DPP10: variants seen among roughly 807,000 people sequenced by gnomAD.
DPP10 encodes dipeptidyl peptidase like 10, also known as inactive dipeptidyl peptidase 10.
DPP10 carries 33 observed loss-of-function variants against 120.9 expected under a neutral mutation model. The ratio of observed to expected loss-of-function variants is 0.27; its 90% CI spans 0.21 to 0.37. The LOEUF is 0.37. Among genes scored for constraint, DPP10 ranks in the 10% least tolerant of loss-of-function variants. DPP10 has a pLI of 1.00. For synonymous variants in DPP10, 337 were observed against 326.1 expected (o/e 1.03, Z -0.36); for missense variants, 816 against 942.8 (o/e 0.87, Z 1.76).
chr2:114,590,362 A>G (rs1225072154), intron 1 of DPP10, among the ~76,000 whole-genome samples: 1 of 152,220 alleles, frequency 6.6e-6, no homozygotes. Flanking sequence ...AGCAATTAAT[A>G]TGAATCAGAT....
At chr2:114,690,713 G>A (rs186112738) in intron 1 of DPP10, among the ~76,000 whole-genome samples, 2 of 152,132 alleles carry the variant, frequency 1.3e-5, no homozygotes, top group African/African-American at 4.8e-5. Flanking sequence ...TCCTATCTAC[G>A]AGCATGGAAT....
At chr2:115,352,622 T>G (rs1305223828) in intron 3 of DPP10, among the ~76,000 whole-genome samples, 1 of 152,162 alleles carries the variant, frequency 6.6e-6, no homozygotes, top group Non-Finnish European at 1.5e-5. Flanking sequence ...TACAAAGATA[T>G]AAAGGTGAAT....
intron 1 of DPP10, among the ~76,000 whole-genome samples, chr2:114,505,543 T>G (rs1464653512): frequency 6.6e-6 from 1 of 152,028 alleles, no homozygotes; most frequent in Non-Finnish European, 1.5e-5. Context: ...CTCAAGTATC[T>G]CCAACTCAAA....
intron 1 of DPP10, among the ~76,000 whole-genome samples, chr2:114,649,308 C>A (rs1323687252): frequency 1.3e-5 from 2 of 152,020 alleles, no homozygotes; most frequent in Admixed American, 1.3e-4. Flanking sequence ...TTCGCCACCC[C>A]AGATTCTCAC....
intron 3 of DPP10, among the ~76,000 whole-genome samples, chr2:115,433,672 A>T (rs979415356): frequency 6.6e-6 from 1 of 151,950 alleles, no homozygotes; most frequent in Non-Finnish European, 1.5e-5. Flanking sequence ...TGCTCTCTAC[A>T]CTAGAACTAC....
intron 1 of DPP10, among the ~76,000 whole-genome samples, chr2:114,734,444 A>C (rs1234346418): frequency 2.0e-5 from 3 of 152,192 alleles, no homozygotes; most frequent in Non-Finnish European, 4.4e-5. Flanking sequence ...AATATGTTTA[A>C]ATTTACCTAT....
rs79146315 is a variant in DPP10 at position 115,805,614 on chromosome 2, G to T, written c.1701-9179G>T. On this transcript the variant is annotated intron_variant, in intron 19 of 25. Coordinates refer to ENST00000410059, the MANE Select transcript of DPP10 (RefSeq NM_020868.6). ...TTTGAGACGCAGTCTCACTCCTGTC[G>T]CCCAGGCTGGAGTGCAGTGGTGCAA... Among the ~76,000 whole-genome samples the T allele has an allele frequency of 2.0e-5, 3 of 147,200 alleles. No homozygotes were observed. In the East Asian group the frequency reaches 6.0e-4, roughly 30 times the overall value.
intron 1 of DPP10, among the ~76,000 whole-genome samples, chr2:114,953,684 T>A (rs1226656952): frequency 1.3e-5 from 2 of 152,188 alleles, no homozygotes; most frequent in Non-Finnish European, 1.5e-5. Context: ...AGGACACATA[T>A]TTCTTGCTAT....
At chr2:114,554,996 A>G (rs921551227) in intron 1 of DPP10, among the ~76,000 whole-genome samples, 2 of 152,200 alleles carry the variant, frequency 1.3e-5, no homozygotes, top group Admixed American at 6.5e-5. Flanking sequence ...GAGCAAACAT[A>G]ATGGACCTGG....
chr2:115,161,961 C>G, intron 1 of DPP10: 2 of 1,433,128 alleles, frequency 1.4e-6, no homozygotes, highest in Non-Finnish European at 1.8e-6. Flanking sequence ...CCGGCGATGA[C>G]GGCCGCGAAG....
intron 9 of DPP10, among the ~76,000 whole-genome samples, chr2:115,745,100 T>C (rs1329398168): frequency 1.3e-5 from 2 of 150,506 alleles, no homozygotes; most frequent in African/African-American, 2.4e-5. Flanking sequence ...TTCTCATTCC[T>C]GCCCCTTACT....
intron 3 of DPP10, among the ~76,000 whole-genome samples, chr2:115,427,669 G>C (rs1389311604): frequency 6.6e-6 from 1 of 152,172 alleles, no homozygotes; most frequent in African/African-American, 2.4e-5. Context: ...GGGCTGCCTA[G>C]AAGATCTCTG....
intron 5 of DPP10, among the ~76,000 whole-genome samples, chr2:115,554,122 A>G (rs1044651465): frequency 2.0e-5 from 3 of 151,442 alleles, no homozygotes; most frequent in African/African-American, 4.9e-5. Flanking sequence ...TAAAGTGTCT[A>G]CTCCCAAAAC....
At chr2:114,608,081 A>G (rs951817229) in intron 1 of DPP10, among the ~76,000 whole-genome samples, 1 of 152,220 alleles carries the variant, frequency 6.6e-6, no homozygotes, top group African/African-American at 2.4e-5. Flanking sequence ...AGCCCTGGTC[A>G]TTACTCCGTA....
intron 19 of DPP10, among the ~76,000 whole-genome samples, chr2:115,810,162 GA>G (rs199538342): frequency 0.11 from 14,721 of 128,502 alleles, 730 homozygotes; most frequent in South Asian, 0.15. Flanking sequence ...ACTCCATCTC[GA>G]AAAAAAAAAA....
At chr2:114,961,600 G>T (rs1434593378) in intron 1 of DPP10, among the ~76,000 whole-genome samples, 1 of 152,160 alleles carries the variant, frequency 6.6e-6, no homozygotes, top group African/African-American at 2.4e-5. Flanking sequence ...GAGTGTTTGT[G>T]TGTGTATGTG....
At chr2:114,793,252 C>T (rs1683404338) in intron 1 of DPP10, among the ~76,000 whole-genome samples, 3 of 152,070 alleles carry the variant, frequency 2.0e-5, no homozygotes, top group Admixed American at 1.3e-4. Flanking sequence ...CACCCATCAA[C>T]CTGTCATCTA....
intron 1 of DPP10, among the ~76,000 whole-genome samples, chr2:114,654,849 G>A (rs1368770289): frequency 1.3e-5 from 2 of 152,130 alleles, no homozygotes; most frequent in African/African-American, 4.8e-5. Context: ...ATAAGTCCTT[G>A]AACAAGTACC....
intron 3 of DPP10, among the ~76,000 whole-genome samples, chr2:115,377,155 T>G (rs569658675): frequency 5.8e-4 from 89 of 152,264 alleles, no homozygotes; most frequent in East Asian, 4.3e-3. Flanking sequence ...TGAACTAGTT[T>G]ACAGTCCCAC....
Sources: allele counts gnomAD v4.1 joint callset (sites outside exome capture counted in the v4.1 genomes callset), GRCh38; gene constraint gnomAD v4.1.1; transcripts MANE v1.5; gene names NCBI Gene and HGNC (gene_info 2026-07-23, HGNC 2026-07-21).